PLXNC1: variants seen among roughly 807,000 people sequenced by gnomAD.
The protein encoded by PLXNC1 is plexin-C1.
PLXNC1 carries 75 observed loss-of-function variants against 178.2 expected under a neutral mutation model. The observed-to-expected ratio is 0.42, with a 90% CI of 0.35 to 0.51. The LOEUF (loss-of-function observed/expected upper bound fraction) is 0.51, where lower values mean the gene tolerates loss of function less well. Ranked by LOEUF, PLXNC1 falls within the 20% of genes least tolerant of loss-of-function variation. PLXNC1 has a pLI of 0.02. For synonymous variants in PLXNC1, 790 were observed against 779.9 expected (o/e 1.01, Z -0.22); for missense variants, 1,503 against 1,984.4 (o/e 0.76, Z 4.61).
At chr12:94,251,579 G>A (rs763422842) in intron 15 of PLXNC1, 51 bp downstream of exon 15, 31 of 1,163,744 alleles carry the variant, frequency 2.7e-5, no homozygotes, top group South Asian at 8.6e-5. Flanking sequence ...GGGGCCTCTC[G>A]CCGGGCAGGC....
At chr12:94,225,000 T>G (rs60372953) in intron 7 of PLXNC1, among the ~76,000 whole-genome samples, 8,142 of 152,166 alleles carry the variant, frequency 0.054, 282 homozygotes, top group African/African-American at 0.094. Flanking sequence ...GTAAAAAGTC[T>G]TACTTGAGAA....
At chr12:94,182,086 T>C (rs999124175) in intron 3 of PLXNC1, among the ~76,000 whole-genome samples, 5 of 152,260 alleles carry the variant, frequency 3.3e-5, no homozygotes, top group African/African-American at 9.6e-5. Context: ...AAGTAATATA[T>C]TTTTATATTT....
At chr12:94,154,900 T>G (rs1366374932) in intron 1 of PLXNC1, among the ~76,000 whole-genome samples, 2 of 152,230 alleles carry the variant, frequency 1.3e-5, no homozygotes, top group African/African-American at 2.4e-5. Context: ...AGTTGGGACT[T>G]CAGAAATATT....
intron 4 of PLXNC1, among the ~76,000 whole-genome samples, chr12:94,203,974 G>T (rs886622244): frequency 1.3e-5 from 2 of 152,164 alleles, no homozygotes; most frequent in African/African-American, 4.8e-5. Context: ...GTTCACATGC[G>T]CATGCCCTCG....
intron 4 of PLXNC1, 68 bp from the exon 5 acceptor site, chr12:94,209,522 C>A: frequency 1.2e-6 from 1 of 852,666 alleles, no homozygotes; most frequent in South Asian, 1.4e-5. Flanking sequence ...TTAACTAATG[C>A]ACGTATGGGG....
chr12:94,267,477 A>G (rs1314549707), intron 21 of PLXNC1, among the ~76,000 whole-genome samples: 1 of 151,956 alleles, frequency 6.6e-6, no homozygotes, highest in South Asian at 2.1e-4. Context: ...TTTTTTCTTT[A>G]TAGCCCCTGG....
intron 23 of PLXNC1, among the ~76,000 whole-genome samples, chr12:94,288,762 C>T (rs1296322950): frequency 6.6e-6 from 1 of 152,210 alleles, no homozygotes; most frequent in African/African-American, 2.4e-5. Flanking sequence ...GAAGACGATA[C>T]TGACGGAGGG....
intron 28 of PLXNC1, 26 bp from the exon 29 acceptor site, chr12:94,303,730 T>G: frequency 4.5e-6 from 6 of 1,333,902 alleles, no homozygotes; most frequent in Non-Finnish European, 5.0e-6. Context: ...TGGTGATGGT[T>G]GCTTTTTTTT....
chr12:94,181,899 T>C (rs1286976148), intron 3 of PLXNC1, among the ~76,000 whole-genome samples: 1 of 152,156 alleles, frequency 6.6e-6, no homozygotes, highest in African/African-American at 2.4e-5. Flanking sequence ...GTGTGGGCAC[T>C]GAACGGTTAG....
chr12:94,275,031 A>G (rs1965829837), intron 21 of PLXNC1, among the ~76,000 whole-genome samples: 1 of 152,224 alleles, frequency 6.6e-6, no homozygotes, highest in African/African-American at 2.4e-5. Flanking sequence ...TTTAAGGCTC[A>G]GCGAAGTTAG....
At chr12:94,245,190 G>A (rs374858560) in intron 12 of PLXNC1, among the ~76,000 whole-genome samples, 2 of 152,224 alleles carry the variant, frequency 1.3e-5, no homozygotes, top group African/African-American at 2.4e-5. Flanking sequence ...TGAATGGCTC[G>A]TATAGTTTGA....
intron 21 of PLXNC1, among the ~76,000 whole-genome samples, chr12:94,268,819 T>C (rs886892382): frequency 1.3e-5 from 2 of 152,184 alleles, no homozygotes; most frequent in East Asian, 3.9e-4. Context: ...GGTCTTGAAC[T>C]CCTGGCCTCA....
rs534833822 is a variant in PLXNC1 at position 94,219,533 on chromosome 12, G to A, written c.1555-483G>A. Among the ~76,000 whole-genome samples the A allele has an allele frequency of 3.3e-5, 5 of 152,260 alleles. No homozygotes were observed. In the East Asian group the frequency reaches 9.6e-4, roughly 29 times the overall value. On this transcript the variant is annotated intron_variant, in intron 5 of 30. Transcript: ENST00000258526. ...AGTTTGGGAAGCACTTTATAGCCGA[G>A]ACAAGAAACCCTGTATTTGATTACT...
intron 21 of PLXNC1, among the ~76,000 whole-genome samples, chr12:94,272,594 C>T (rs1965640911): frequency 1.3e-5 from 2 of 152,200 alleles, no homozygotes. Flanking sequence ...CCAAGCACTA[C>T]TCTCCCTTTT....
Position 94,305,249 on chromosome 12 carries a change from CT to C in PLXNC1, c.4673del (p.Leu1558TyrfsTer34). ...AQKQLLHVKV[L>X]FDEKKKCKWM ...AGAAACAACTCTTGCATGTAAAAGT[CT>C]TATTTGATGAAAAGAAGAAATGCAA... On this transcript the variant is annotated frameshift_variant, in exon 31 of 31. Coordinates refer to ENST00000258526, the MANE Select transcript of PLXNC1 (RefSeq NM_005761.3). LOFTEE classifies it high-confidence loss of function. The C allele has an allele frequency of 6.2e-7, 1 of 1,611,032 alleles. No homozygotes were observed. Among genetic ancestry groups the C allele is most frequent in the South Asian group, 1.1e-5 (1 of 90,840 alleles).
In PLXNC1 at chr12:94,248,373, G is replaced by C. The variant is rs745566163; in HGVS notation, c.2739G>C (p.Lys913Asn). The change falls in exon 14 of 31, where the codon AAG becomes AAC. Residue 913 changes from lysine (K) to asparagine (N), a missense_variant. Physicochemically the swap from Lys to Asn is moderately conservative, Grantham distance 94. Around this residue, in one of 4 missense-constraint regions of PLXNC1, gnomAD observed 639 missense variants for 979.7 expected, o/e 0.65. Transcript: ENST00000258526. ...TTILCKIKGI[K>N]TASTIANSSK... ...TCCTTTGCAAAATTAAAGGCATCAAGACTGCAAGCACCATTGCCAACTCTT... is the reference window on the plus strand; with the variant it reads ...TCCTTTGCAAAATTAAAGGCATCAACACTGCAAGCACCATTGCCAACTCTT... 6.2e-7 allele frequency: 1 copy of C among 1,612,360 alleles called. No homozygotes were observed. The highest frequency in any genetic ancestry group is 1.3e-5 in the African/African-American group (1 of 74,754).
intron 22 of PLXNC1, among the ~76,000 whole-genome samples, chr12:94,281,503 G>C (rs1018270701): frequency 2.6e-5 from 4 of 152,116 alleles, no homozygotes; most frequent in African/African-American, 9.7e-5. Context: ...TTGCCATGTG[G>C]ACTACAGATT....
At chr12:94,273,311 C>T (rs1183432915) in intron 21 of PLXNC1, among the ~76,000 whole-genome samples, 1 of 152,174 alleles carries the variant, frequency 6.6e-6, no homozygotes, top group African/African-American at 2.4e-5. Flanking sequence ...GCCTGGGCTA[C>T]AAGTCCTCCA....
rs1963412522 is a variant in PLXNC1, at chr12:94,209,808, C to T, written c.1554+104C>T. Reference sequence around the variant, plus strand: ...AAATATCCATTAGCAATCAAACATGCTTAGTGATAGCACTCCATTCATTTA... The same window carrying T: ...AAATATCCATTAGCAATCAAACATGTTTAGTGATAGCACTCCATTCATTTA... On this transcript the variant is annotated intron_variant, in intron 5 of 30. Coordinates refer to ENST00000258526, the MANE Select transcript of PLXNC1 (RefSeq NM_005761.3). The T allele has an allele frequency of 1.1e-5, 8 of 711,018 alleles. No homozygotes were observed. The South Asian group carries it at 1.3e-4, about 11-fold the overall frequency. 44.0% of individuals were successfully genotyped at this position (711,018 alleles called of 1,614,324 possible). A position where few individuals can be genotyped will look rare whatever the true frequency, so the allele number is the denominator to read the frequency against.
Sources: allele counts gnomAD v4.1 joint callset (sites outside exome capture counted in the v4.1 genomes callset), GRCh38; gene constraint gnomAD v4.1.1; regional missense constraint gnomAD v4.1.1; transcripts MANE v1.5; gene names NCBI Gene and HGNC (gene_info 2026-07-23, HGNC 2026-07-21).